Variants in KRTAP9-9 observed in about 807,000 individuals in gnomAD.
KRTAP9-9 encodes the protein keratin associated protein 9-9, also known as keratin-associated protein 9-9.
A neutral mutation model predicts 13.7 loss-of-function variants in KRTAP9-9; 12 were observed. The ratio of observed to expected loss-of-function variants is 0.88; its 90% CI spans 0.56 to 1.42. The LOEUF is 1.42. KRTAP9-9 is among the 40% of genes most tolerant of loss of function. KRTAP9-9 has a pLI of 0.00. For missense variants in KRTAP9-9, 194 were observed against 206.5 expected (o/e 0.94, Z 0.37); for synonymous variants, 81 against 78.1 (o/e 1.04, Z -0.19).
At chr17:41,255,458 A>G (rs2016300305) in exon 1 of KRTAP9-9, 1 of 1,582,158 alleles carries the variant, frequency 6.3e-7, no homozygotes, top group South Asian at 1.1e-5. Context: ...CACCACTGTG[A>G]CCACCTGCAG....
exon 1 of KRTAP9-9, chr17:41,255,529 C>T: frequency 1.9e-6 from 3 of 1,613,030 alleles, no homozygotes; most frequent in African/African-American, 1.3e-5. Context: ...CTTGCTGCCG[C>T]CCAGCTTGCT....
chr17:41,255,527 C>T (rs769367447), exon 1 of KRTAP9-9: 62 of 1,612,398 alleles, frequency 3.8e-5, no homozygotes, highest in East Asian at 2.0e-4. Context: ...GCCTTGCTGC[C>T]GCCCAGCTTG....
At chr17:41,256,257 T>C (rs908693625) in exon 1 of KRTAP9-9, 3 of 347,576 alleles carry the variant, frequency 8.6e-6, no homozygotes, top group African/African-American at 6.4e-5. Context: ...TACTCATGAT[T>C]CTTGTATCCT....
exon 1 of KRTAP9-9, chr17:41,256,068 T>G: frequency 8.2e-7 from 1 of 1,217,562 alleles, no homozygotes; most frequent in Non-Finnish European, 1.1e-6. Flanking sequence ...GGCAGAATAC[T>G]TCATCCTGAT....
chr17:41,255,986 G>A (rs540415308), exon 1 of KRTAP9-9: 16 of 1,562,662 alleles, frequency 1.0e-5, no homozygotes, highest in Middle Eastern at 1.7e-4. Context: ...ACTGCTGACA[G>A]CAACCATGTT....
chr17:41,255,392 C>T (rs2016296374), exon 1 of KRTAP9-9: 1 of 1,568,338 alleles, frequency 6.4e-7, no homozygotes, highest in Admixed American at 1.8e-5. Context: ...CACCATGACC[C>T]ACTGTTGCTC....
chr17:41,255,700 C>T (rs745595270), exon 1 of KRTAP9-9: 28 of 1,613,790 alleles, frequency 1.7e-5, no homozygotes, highest in Non-Finnish European at 2.2e-5. Context: ...AGAGCAGCTC[C>T]TGTGCACCTG....
chr17:41,256,246 A>G (rs2016323671), exon 1 of KRTAP9-9: 2 of 395,428 alleles, frequency 5.1e-6, no homozygotes, highest in South Asian at 8.3e-5. Context: ...TCTTTTCAAT[A>G]TACTCATGAT....
Position 41,255,646 on chromosome 17 carries a change from G to T in KRTAP9-9, c.261G>T (p.Gly87=), listed in dbSNP as rs776541492. The change falls in exon 1 of 1, where the codon GGG becomes GGT. Residue 87 remains glycine, a synonymous_variant. Coordinates refer to ENST00000394008, the Ensembl canonical transcript of KRTAP9-9. ...CCTGCTGCCAGCCCATCTGCTGTGG[G>T]TCCAGCTGCTGTGGCCAAACCAGCT... 5 of 1,609,944 alleles carry T rather than the reference G, an allele frequency of 3.1e-6. No individual in the cohort carries two copies. In the Admixed American group the frequency reaches 5.0e-5, roughly 16 times the overall value.
exon 1 of KRTAP9-9, chr17:41,255,626 T>C (rs2016305889): frequency 2.5e-6 from 4 of 1,610,840 alleles, no homozygotes; most frequent in Non-Finnish European, 3.4e-6. Flanking sequence ...CACAACCTGC[T>C]GCCAGCCCAT....
At chr17:41,255,655 C>T (rs2016306948) in exon 1 of KRTAP9-9, 2 of 1,613,340 alleles carry the variant, frequency 1.2e-6, no homozygotes, top group Admixed American at 1.7e-5. Context: ...GGTCCAGCTG[C>T]TGTGGCCAAA....
exon 1 of KRTAP9-9, chr17:41,256,062 G>A (rs2016319250): frequency 7.6e-7 from 1 of 1,308,018 alleles, no homozygotes; most frequent in Non-Finnish European, 1.1e-6. Flanking sequence ...AGGGAGGGCA[G>A]AATACTTCAT....
At chr17:41,256,185 T>G (rs767352141) in exon 1 of KRTAP9-9, 2 of 559,386 alleles carry the variant, frequency 3.6e-6, no homozygotes, top group Non-Finnish European at 3.2e-6. Flanking sequence ...TTCTCTTCAC[T>G]TAAGAAACTT....
At chr17:41,255,751 C>A in the KRTAP9-9 span, 2 of 1,613,854 alleles carry the variant, frequency 1.2e-6, no homozygotes, top group Non-Finnish European at 1.7e-6. Flanking sequence ...CGACTGTCTG[C>A]CTGCCTGGTT....
chr17:41,256,052 A>G, exon 1 of KRTAP9-9: 1 of 1,385,482 alleles, frequency 7.2e-7, no homozygotes, highest in Non-Finnish European at 9.9e-7. Context: ...AATCAGCTTG[A>G]GGGAGGGCAG....
chr17:41,255,932 C>G (rs1198145215), exon 1 of KRTAP9-9: 1 of 1,605,560 alleles, frequency 6.2e-7, no homozygotes, highest in Non-Finnish European at 8.5e-7. Context: ...CACACAACAA[C>G]CTTCTGCTCA....
Position 41,256,154 on chromosome 17 carries a change from A to G in KRTAP9-9, c.*259A>G, listed in dbSNP as rs2016320825. 3 of 659,606 alleles carry G rather than the reference A, an allele frequency of 4.5e-6. No individual in the cohort carries two copies. The South Asian group carries it at 6.8e-5, about 15-fold the overall frequency. 40.9% of individuals were successfully genotyped at this position (659,606 alleles called of 1,614,324 possible). A position where few individuals can be genotyped will look rare whatever the true frequency, so the allele number is the denominator to read the frequency against. On this transcript the variant is annotated 3_prime_UTR_variant, in exon 1 of 1. Coordinates refer to ENST00000394008, the Ensembl canonical transcript of KRTAP9-9. ...ATTTTGAGTCATGGTCTCAGCTTTG[A>G]CTCAAAAGTCAAGAGCTTCATTCTC...
chr17:41,256,011 T>C (rs931480013), exon 1 of KRTAP9-9: 3 of 1,527,730 alleles, frequency 2.0e-6, no homozygotes, highest in Non-Finnish European at 2.6e-6. Context: ...CCCAAATTTT[T>C]ATGAATTCTC....
At chr17:41,255,672 G>C in exon 1 of KRTAP9-9, 2 of 1,613,610 alleles carry the variant, frequency 1.2e-6, no homozygotes, top group Non-Finnish European at 1.7e-6. Flanking sequence ...CAAACCAGCT[G>C]TGGGTCCAGC....
Sources: gnomAD v4.1 joint callset for allele counts on GRCh38, gnomAD v4.1.1 for gene constraint, MANE v1.5 for transcripts, NCBI Gene and HGNC (gene_info 2026-07-23, HGNC 2026-07-21) for gene names.